The following FOXJ3 variants were observed in gnomAD, a reference collection of about 807,000 sequenced individuals.
FOXJ3 encodes the protein forkhead box J3, also known as forkhead box protein J3.
In FOXJ3, 22 loss-of-function variants were observed where a neutral mutation model predicts 76.1. The observed-to-expected ratio is 0.29, with a 90% CI of 0.21 to 0.41. FOXJ3 has a LOEUF of 0.41. Among genes scored for constraint, FOXJ3 ranks in the 10% least tolerant of loss-of-function variants. The pLI, the probability that FOXJ3 is intolerant of heterozygous loss-of-function variation, is 1.00. For missense variants in FOXJ3, 613 were observed against 762.1 expected, an observed-to-expected ratio of 0.80 and a Z score of 2.30; for synonymous variants, 269 against 261.2, an observed-to-expected ratio of 1.03 and a Z score of -0.29.
chr1:42,271,976 C>G (rs557291314), intron 3 of FOXJ3, among the ~76,000 whole-genome samples: 41 of 152,190 alleles, frequency 2.7e-4, no homozygotes, highest in Non-Finnish European at 4.9e-4. Context: ...TCCTTTTCCT[C>G]TAGTTCAGAA....
chr1:42,333,922 TAGAA>T (rs1656307971), intron 1 of FOXJ3, among the ~76,000 whole-genome samples: 1 of 152,098 alleles, frequency 6.6e-6, no homozygotes, highest in East Asian at 1.9e-4. Flanking sequence ...GGAAACAAAA[TAGAA>T]GGAAGAAAAC....
intron 4 of FOXJ3, among the ~76,000 whole-genome samples, chr1:42,228,642 G>C (rs899579582): frequency 6.7e-6 from 1 of 148,944 alleles, no homozygotes; most frequent in Non-Finnish European, 1.5e-5. Flanking sequence ...CAAACAAGAA[G>C]AGCAAAACAC....
At chr1:42,212,690 T>C (rs1275638412) in intron 5 of FOXJ3, among the ~76,000 whole-genome samples, 1 of 152,082 alleles carries the variant, frequency 6.6e-6, no homozygotes, top group Non-Finnish European at 1.5e-5. Context: ...TCCCTGGTCT[T>C]GCTAGAAATA....
intron 2 of FOXJ3, among the ~76,000 whole-genome samples, chr1:42,285,277 AC>A (rs1036767976): frequency 1.3e-5 from 2 of 150,730 alleles, no homozygotes; most frequent in African/African-American, 4.9e-5. Context: ...CCCCTACCCC[AC>A]CCCTGTATTT....
At chr1:42,304,680 C>T (rs1654353171) in intron 2 of FOXJ3, among the ~76,000 whole-genome samples, 1 of 152,172 alleles carries the variant, frequency 6.6e-6, no homozygotes, top group Non-Finnish European at 1.5e-5. Flanking sequence ...GCTGGGAAAA[C>T]TGGATAACCA....
intron 11 of FOXJ3, among the ~76,000 whole-genome samples, chr1:42,183,360 GGGGAGTAT>G: frequency 1.2e-5 from 1 of 84,460 alleles, no homozygotes. Flanking sequence ...GGGGAGGGGA[GGGGAGTAT>G]TATCCTAGAA....
intron 2 of FOXJ3, among the ~76,000 whole-genome samples, chr1:42,283,611 C>A (rs573093803): frequency 1.3e-5 from 2 of 152,236 alleles, no homozygotes; most frequent in South Asian, 2.1e-4. Context: ...CTGAATCCTC[C>A]CACTTCATTC....
intron 5 of FOXJ3, among the ~76,000 whole-genome samples, chr1:42,209,633 G>A (rs1646927656): frequency 6.6e-6 from 1 of 152,158 alleles, no homozygotes; most frequent in African/African-American, 2.4e-5. Flanking sequence ...ACGGGGGAAT[G>A]CCTTAATGCT....
chr1:42,321,795 CAA>C (rs1354880705), intron 1 of FOXJ3, among the ~76,000 whole-genome samples: 1 of 151,914 alleles, frequency 6.6e-6, no homozygotes, highest in Non-Finnish European at 1.5e-5. Context: ...TGAACCGACT[CAA>C]GAGGAAACCA....
chr1:42,209,557 G>C (rs1277904835), intron 5 of FOXJ3, among the ~76,000 whole-genome samples: 3 of 151,970 alleles, frequency 2.0e-5, no homozygotes, highest in Non-Finnish European at 4.4e-5. Context: ...TCCCACTAGG[G>C]AGTCAGGCCA....
chr1:42,188,295 A>T (rs1646477279), intron 11 of FOXJ3, among the ~76,000 whole-genome samples: 1 of 152,218 alleles, frequency 6.6e-6, no homozygotes, highest in Non-Finnish European at 1.5e-5. Context: ...CATCAGTGAG[A>T]CTATTTTCCA....
At chr1:42,252,221 T>G (rs534499786) in intron 4 of FOXJ3, among the ~76,000 whole-genome samples, 1 of 152,230 alleles carries the variant, frequency 6.6e-6, no homozygotes, top group African/African-American at 2.4e-5. Flanking sequence ...CTTGTATCTC[T>G]GGTAGAATTT....
intron 2 of FOXJ3, among the ~76,000 whole-genome samples, chr1:42,287,068 C>T (rs947851255): frequency 2.0e-5 from 3 of 151,132 alleles, no homozygotes; most frequent in East Asian, 2.0e-4. Flanking sequence ...GGCTGGGATG[C>T]GGTGGCTCAC....
intron 12 of FOXJ3, among the ~76,000 whole-genome samples, chr1:42,180,465 C>A (rs574568609): frequency 6.6e-6 from 1 of 152,026 alleles, no homozygotes; most frequent in Non-Finnish European, 1.5e-5. Flanking sequence ...CTTGACAGAC[C>A]CCCCCCTTCT....
chr1:42,300,221 T>C (rs1489696623), intron 2 of FOXJ3, among the ~76,000 whole-genome samples: 1 of 152,078 alleles, frequency 6.6e-6, no homozygotes, highest in Non-Finnish European at 1.5e-5. Context: ...GAGACAGAGA[T>C]ATAGATATGT....
intron 3 of FOXJ3, among the ~76,000 whole-genome samples, chr1:42,269,158 A>G (rs974427944): frequency 1.3e-5 from 2 of 152,200 alleles, no homozygotes; most frequent in African/African-American, 4.8e-5. Context: ...ACTAAAAACA[A>G]TTTAGAAAGG....
In FOXJ3 at chr1:42,195,001, G is replaced by A. The variant is rs1259422296; in HGVS notation, c.823C>T (p.Leu275Phe). 5.6e-6 allele frequency: 9 copies of A among 1,613,154 alleles called. No homozygotes were observed. Among genetic ancestry groups the A allele is most frequent in the Non-Finnish European group, 7.6e-6 (9 of 1,179,518 alleles). Residue 275 changes from leucine (L) to phenylalanine (F), a missense_variant, in exon 8 of 13, where the codon CTT (leucine) becomes TTT (phenylalanine). By Grantham distance (22) the Leu-to-Phe change is conservative (BLOSUM62 0). Around this residue, in one of 3 missense-constraint regions of FOXJ3, gnomAD observed 526 missense variants for 601.4 expected, o/e 0.87. Coordinates refer to ENST00000361346, the MANE Select transcript of FOXJ3 (RefSeq NM_014947.5). Reference sequence around the variant, plus strand: ...AGTAGTTGCTTGTCTCTTTCTGGAAGGTTGTACTGTGGTTGCTGCTGAGGA... The same window carrying A: ...AGTAGTTGCTTGTCTCTTTCTGGAAAGTTGTACTGTGGTTGCTGCTGAGGA... ...LTPQQQPQYN[L>F]PERDKQLLFS... is the part of the protein sequence containing the mutation.
rs1190475209 is a variant in FOXJ3, at chr1:42,191,410, G to C, written c.1244C>G (p.Pro415Arg). The C allele has an allele frequency of 1.2e-6, 2 of 1,609,628 alleles. No individual in the cohort carries two copies. Among genetic ancestry groups the C allele is most frequent in the Non-Finnish European group, 8.5e-7 (1 of 1,176,178 alleles). Residue 415 changes from proline (P) to arginine (R), a missense_variant, in exon 9 of 13, where the codon CCC becomes CGC. Physicochemically the swap from Pro to Arg is moderately radical, Grantham distance 103. Around this residue, in one of 3 missense-constraint regions of FOXJ3, gnomAD observed 526 missense variants for 601.4 expected, o/e 0.87. Transcript: ENST00000361346. ...GTGTTGATGTGGAGAGGGATGCTGG[G>C]GGTGAGGGGACTGGAGCTGGCTGTG... ...QQHSQLQSPH[P>R]QHPSPHQHIQ...
intron 4 of FOXJ3, among the ~76,000 whole-genome samples, chr1:42,242,113 G>GA (rs1649191701): frequency 6.6e-6 from 1 of 151,510 alleles, no homozygotes; most frequent in African/African-American, 2.4e-5. Flanking sequence ...ACATCTTCAG[G>GA]AAAAAGTCTT....
Sources: allele counts gnomAD v4.1 joint callset (sites outside exome capture counted in the v4.1 genomes callset), GRCh38; gene constraint gnomAD v4.1.1; regional missense constraint gnomAD v4.1.1; transcripts MANE v1.5; gene names NCBI Gene and HGNC (gene_info 2026-07-23, HGNC 2026-07-21).